ALG6: variants seen among roughly 807,000 people sequenced by gnomAD.
ALG6 encodes dolichyl pyrophosphate Man9GlcNAc2 alpha-1,3-glucosyltransferase.
ALG6 carries 46 observed loss-of-function variants against 66.6 expected under a neutral mutation model. The observed-to-expected ratio is 0.69, with a 90% confidence interval of 0.55 to 0.88. The LOEUF (loss-of-function observed/expected upper bound fraction) is 0.88, where lower values mean the gene tolerates loss of function less well. Among genes scored for constraint, ALG6 ranks in the 40% least tolerant of loss-of-function variants. The pLI, the probability that ALG6 is intolerant of heterozygous loss-of-function variation, is 0.00. For synonymous variants in ALG6, 185 were observed against 203.7 expected (o/e 0.91, Z 0.78); for missense variants, 505 against 586.8 (o/e 0.86, Z 1.44).
At chr1:63,385,015 T>A (rs944278765) in intron 2 of ALG6, among the ~76,000 whole-genome samples, 3 of 152,084 alleles carry the variant, frequency 2.0e-5, no homozygotes, top group African/African-American at 7.2e-5. Flanking sequence ...CTGTGAGGAA[T>A]ATCATTGGTA....
chr1:63,377,666 A>G (rs964916093), intron 2 of ALG6, among the ~76,000 whole-genome samples: 5 of 152,144 alleles, frequency 3.3e-5, no homozygotes, highest in African/African-American at 4.8e-5. Flanking sequence ...TGTTTCTTCC[A>G]TGATTTTTAA....
At chr1:63,422,322 A>G (rs1438004887) in intron 12 of ALG6, among the ~76,000 whole-genome samples, 7 of 104,558 alleles carry the variant, frequency 6.7e-5, no homozygotes, top group African/African-American at 2.2e-4. Flanking sequence ...TCTATATATG[A>G]ATATATATCT....
chr1:63,432,029 T>C (rs1217333129), intron 14 of ALG6, among the ~76,000 whole-genome samples: 1 of 152,182 alleles, frequency 6.6e-6, no homozygotes, highest in African/African-American at 2.4e-5. Flanking sequence ...CTAGGACCTA[T>C]AAGACAGTGT....
At chr1:63,421,711 A>G (rs1231435182) in intron 12 of ALG6, among the ~76,000 whole-genome samples, 3 of 152,126 alleles carry the variant, frequency 2.0e-5, no homozygotes, top group African/African-American at 7.2e-5. Flanking sequence ...GGATGAGTTC[A>G]TGTCCTTTGC....
At chr1:63,434,167 A>G (rs1377440883) in intron 14 of ALG6, among the ~76,000 whole-genome samples, 3 of 152,206 alleles carry the variant, frequency 2.0e-5, no homozygotes, top group South Asian at 2.1e-4. Flanking sequence ...TATGTGGAGA[A>G]CAGATTGTGG....
rs763305654 is a variant in ALG6 at position 63,406,366 on chromosome 1, T to C, written c.396T>C (p.Cys132=). 1.9e-6 allele frequency: 3 copies of C among 1,613,404 alleles called. No individual in the cohort carries two copies. Among genetic ancestry groups the C allele is most frequent in the Non-Finnish European group, 1.7e-6 (2 of 1,179,552 alleles). The change falls in exon 6 of 15, where the codon TGT becomes TGC. Residue 132 remains cysteine, a synonymous_variant. Transcript: ENST00000263440. The stretch of plus-strand genomic sequence containing the variant: ...ACATACCTGCAGTGGTTTTGTACTG[T>C]TGTTGCTTAAAAGAAATCTCAACTA... ...LIYIPAVVLY[C]CCLKEISTKK...
intron 2 of ALG6, among the ~76,000 whole-genome samples, chr1:63,389,161 T>A (rs981661159): frequency 2.6e-5 from 4 of 152,188 alleles, no homozygotes; most frequent in African/African-American, 9.6e-5. Flanking sequence ...ATAAACTTTC[T>A]ACCCTGATCT....
In ALG6 at chr1:63,436,994, G is replaced by A; in HGVS notation, c.1498G>A (p.Gly500Arg). The A allele has an allele frequency of 6.2e-7, 1 of 1,613,226 alleles. No homozygotes were observed. The highest frequency in any genetic ancestry group is 8.5e-7 in the Non-Finnish European group (1 of 1,179,502). The change falls in exon 15 of 15, where the codon GGA becomes AGA. Residue 500 changes from glycine (G) to arginine (R), a missense_variant. By Grantham distance (125) the Gly-to-Arg change is moderately radical (BLOSUM62 -2). Coordinates refer to ENST00000263440, the MANE Select transcript of ALG6 (RefSeq NM_013339.4). ...TATTATTATGTGGGATTCCAAAAGTGGAAGAAATCAGAAGAAAATCAGCTA... is the reference window on the plus strand; with the variant it reads ...TATTATTATGTGGGATTCCAAAAGTAGAAGAAATCAGAAGAAAATCAGCTA... The part of the protein sequence containing the change: ...NIIIMWDSKS[G>R]RNQKKIS
Position 63,419,283 on chromosome 1 carries a change from A to G in ALG6, c.988-87A>G, listed in dbSNP as rs1303516671. On this transcript the variant is annotated intron_variant, in intron 11 of 14. Coordinates refer to ENST00000263440, the MANE Select transcript of ALG6 (RefSeq NM_013339.4). ...TTAATAAACTTTCAACTTTCATTTG[A>G]AATGATTTTTATTTAGATTCTATAA... 4.4e-6 allele frequency: 5 copies of G among 1,126,930 alleles called. No individual in the cohort carries two copies. In the Admixed American group the frequency reaches 9.3e-5, roughly 21 times the overall value. 69.8% of individuals were successfully genotyped at this position (1,126,930 alleles called of 1,614,324 possible). A position where few individuals can be genotyped will look rare whatever the true frequency, so the allele number is the denominator to read the frequency against.
rs771532473 is a variant in ALG6 at position 63,436,833 on chromosome 1, C to T, written c.1337C>T (p.Ser446Leu). 2 of 1,613,770 alleles carry T rather than the reference C, an allele frequency of 1.2e-6. No homozygotes were observed. The highest frequency in any genetic ancestry group is 1.7e-6 in the Non-Finnish European group (2 of 1,179,734). The change falls in exon 15 of 15, where the codon TCA (serine) becomes TTA (leucine). Residue 446 changes from serine (S) to leucine (L), a missense_variant. By Grantham distance (145) the Ser-to-Leu change is moderately radical (BLOSUM62 -2). Coordinates refer to ENST00000263440, the MANE Select transcript of ALG6 (RefSeq NM_013339.4). Reference sequence around the variant, plus strand: ...TTTTTTTCCTTGCAGTTTCTTATCTCAGTCATCACTATGGTGCTTCTGACG... The same window carrying T: ...TTTTTTTCCTTGCAGTTTCTTATCTTAGTCATCACTATGGTGCTTCTGACG... ...SRIIQYLFLI[S>L]VITMVLLTLM...
chr1:63,411,066 A>C, intron 7 of ALG6, 80 bp from the exon 8 acceptor site: 2 of 1,416,936 alleles, frequency 1.4e-6, no homozygotes. Context: ...TTCCTAGAGC[A>C]TATCTCTTGT....
chr1:63,421,529 A>G (rs1261837889), intron 12 of ALG6, among the ~76,000 whole-genome samples: 1 of 152,204 alleles, frequency 6.6e-6, no homozygotes, highest in African/African-American at 2.4e-5. Flanking sequence ...CTGGGTATAT[A>G]CTCAAAGGAT....
intron 2 of ALG6, chr1:63,371,261 T>G: frequency 1.8e-6 from 1 of 563,988 alleles, no homozygotes; most frequent in Non-Finnish European, 3.2e-6. Flanking sequence ...CTTTGTGATG[T>G]GAGAAAGCAA....
chr1:63,382,013 C>A (rs1050043227), intron 2 of ALG6, among the ~76,000 whole-genome samples: 4 of 151,986 alleles, frequency 2.6e-5, no homozygotes, highest in Non-Finnish European at 5.9e-5. Context: ...AGAAATGCAT[C>A]ATTTTTATGT....
At chr1:63,397,237 G>A (rs1211235363) in intron 3 of ALG6, among the ~76,000 whole-genome samples, 3 of 151,956 alleles carry the variant, frequency 2.0e-5, no homozygotes, top group Non-Finnish European at 4.4e-5. Context: ...CCAGGCTGGA[G>A]TGCAGTGGCG....
chr1:63,374,387 G>A (rs1648044234), intron 2 of ALG6, among the ~76,000 whole-genome samples: 1 of 152,152 alleles, frequency 6.6e-6, no homozygotes, highest in Admixed American at 6.5e-5. Context: ...CAGCACTTTG[G>A]GAGGCCGAAG....
At chr1:63,368,554 G>A (rs1647804687) in intron 1 of ALG6, among the ~76,000 whole-genome samples, 1 of 151,728 alleles carries the variant, frequency 6.6e-6, no homozygotes. Flanking sequence ...AGGCTGGAGT[G>A]CAGTGGCACG....
At chr1:63,429,429 C>A in intron 14 of ALG6, 1 of 286,606 alleles carries the variant, frequency 3.5e-6, no homozygotes, top group Non-Finnish European at 6.6e-6. Flanking sequence ...TTTAGATTTG[C>A]CTACTTTGGA....
chr1:63,422,149 A>C (rs1427170119), intron 12 of ALG6, among the ~76,000 whole-genome samples: 2 of 50,036 alleles, frequency 4.0e-5, no homozygotes, highest in South Asian at 1.2e-3. Context: ...ATATATATAA[A>C]TATAAATATA....
Sources: gnomAD v4.1 joint callset for allele counts (sites outside exome capture counted in the v4.1 genomes callset) on GRCh38, gnomAD v4.1.1 for gene constraint, MANE v1.5 for transcripts, NCBI Gene and HGNC (gene_info 2026-07-23, HGNC 2026-07-21) for gene names.